Variants in TSKS observed in about 807,000 individuals in gnomAD.
TSKS encodes testis specific serine kinase substrate, also known as testis-specific serine kinase substrate.
Under a neutral mutation model 68.0 loss-of-function variants are expected in TSKS, and 27 were observed. That is an observed-to-expected ratio of 0.40 (90% CI 0.29 to 0.55). The LOEUF is 0.55. TSKS is among the 20% of genes least tolerant of loss of function. TSKS has a pLI of 0.53. For missense variants in TSKS, 806 were observed against 776.0 expected, an observed-to-expected ratio of 1.04 and a Z score of -0.46; for synonymous variants, 331 against 340.4, an observed-to-expected ratio of 0.97 and a Z score of 0.30.
chr19:49,744,212 G>A lies in TSKS; in HGVS notation c.1361+19C>T, dbSNP rs183535067. 5.0e-6 allele frequency: 8 copies of A among 1,604,566 alleles called. No homozygotes were observed. In the East Asian group the frequency reaches 6.7e-5, roughly 14 times the overall value. On this transcript the variant is annotated intron_variant, in intron 8 of 10. Transcript: ENST00000246801. ...TGTCCTATCCACAAGGCTCCCAGAG[G>A]CAAGCCCAGCCCCGTTACCTGGCAC...
chr19:49,751,155 T>A (rs2084346447), intron 2 of TSKS, among the ~76,000 whole-genome samples: 3 of 151,474 alleles, frequency 2.0e-5, no homozygotes, highest in Admixed American at 1.3e-4. Flanking sequence ...AATACAAAAA[T>A]TAGCCAGGCG....
intron 2 of TSKS, among the ~76,000 whole-genome samples, chr19:49,754,125 A>T (rs2084374661): frequency 6.6e-6 from 1 of 151,130 alleles, no homozygotes; most frequent in Non-Finnish European, 1.5e-5. Context: ...ACCTCAGGTG[A>T]TCTGCCTGAC....
At position 49,763,059 on chromosome 19, in the gene TSKS, C is replaced by T; in HGVS notation, c.170+19G>A. 11 of 1,607,270 alleles carry T rather than the reference C, an allele frequency of 6.8e-6. No homozygotes were observed. Among genetic ancestry groups the T allele is most frequent in the Non-Finnish European group, 9.3e-6 (11 of 1,176,542 alleles). On this transcript the variant is annotated intron_variant, in intron 1 of 10. Coordinates refer to ENST00000246801, the MANE Select transcript of TSKS (RefSeq NM_021733.2). The surrounding 1 kb of genome is among the most constrained non-coding windows in gnomAD (Gnocchi z 4.5). The stretch of plus-strand genomic sequence containing the variant: ...TGCTGGGCATTAGAACCATCCCTGA[C>T]AGTGTGCAACAAACCCACCCGTGGA...
chr19:49,741,235 A>G (rs1819358562), intron 9 of TSKS, among the ~76,000 whole-genome samples: 1 of 152,130 alleles, frequency 6.6e-6, no homozygotes, highest in Non-Finnish European at 1.5e-5. Context: ...CTCTACGTAC[A>G]ACTGCACCAA....
intron 6 of TSKS, among the ~76,000 whole-genome samples, 187 bp downstream of exon 6, chr19:49,746,283 C>A (rs754971588): frequency 6.6e-6 from 1 of 151,346 alleles, no homozygotes; most frequent in Non-Finnish European, 1.5e-5. Context: ...TACCCACCTT[C>A]GTTCCTCGAG....
chr19:49,758,673 CT>C (rs2084413662), intron 2 of TSKS, among the ~76,000 whole-genome samples: 1 of 152,106 alleles, frequency 6.6e-6, no homozygotes, highest in Non-Finnish European at 1.5e-5. Context: ...CCAGGCTCCC[CT>C]CTGGCCTCCC....
chr19:49,763,055 C>T lies in TSKS; in HGVS notation c.170+23G>A. The T allele has an allele frequency of 6.2e-7, 1 of 1,606,494 alleles. No individual in the cohort carries two copies. ...GTAGTGCTGGGCATTAGAACCATCC[C>T]TGACAGTGTGCAACAAACCCACCCG... is the stretch of plus-strand genomic sequence containing the variant. On this transcript the variant is annotated intron_variant, in intron 1 of 10. Coordinates refer to ENST00000246801, the MANE Select transcript of TSKS (RefSeq NM_021733.2). The surrounding 1 kb of genome is among the most constrained non-coding windows in gnomAD (Gnocchi z 4.5).
Position 49,740,047 on chromosome 19 carries a change from C to T in TSKS, c.1622+12G>A. 1.2e-6 allele frequency: 2 copies of T among 1,614,126 alleles called. No individual in the cohort carries two copies. Among genetic ancestry groups the T allele is most frequent in the Non-Finnish European group, 8.5e-7 (1 of 1,180,038 alleles). ...CTCACCCTCCTCCCATGCCCTCAGCCTCCTTCCTCACTCTGGCTTCATCTT... is the reference window on the plus strand; with the variant it reads ...CTCACCCTCCTCCCATGCCCTCAGCTTCCTTCCTCACTCTGGCTTCATCTT... On this transcript the variant is annotated intron_variant, in intron 10 of 10. Transcript: ENST00000246801.
At chr19:49,749,049 C>T (rs1033008733) in intron 2 of TSKS, among the ~76,000 whole-genome samples, 4 of 151,436 alleles carry the variant, frequency 2.6e-5, no homozygotes, top group South Asian at 2.1e-4. Context: ...GGCGACAGAG[C>T]GAGTCTCCGT....
chr19:49,756,296 A>AAAAAATTT (rs2084391773), intron 2 of TSKS, among the ~76,000 whole-genome samples: 2 of 152,020 alleles, frequency 1.3e-5, no homozygotes, highest in South Asian at 4.1e-4. Context: ...CATCTCTACC[A>AAAAAATTT]AAAAATTTAA....
rs149580509 is a variant in TSKS, at chr19:49,746,521, T to C, written c.941A>G (p.Tyr314Cys). Residue 314 changes from tyrosine to cysteine, a missense_variant, in exon 6 of 11, where the codon TAC becomes TGC. Tyr to Cys is a radical substitution (Grantham distance 194). Transcript: ENST00000246801. ...CTTCTGCAATTCCTGCTCGCTCACGTAGGGGCCCTCGCCAGCCCGAGGCCC... is the reference window on the plus strand; with the variant it reads ...CTTCTGCAATTCCTGCTCGCTCACGCAGGGGCCCTCGCCAGCCCGAGGCCC... ...GMGPRAGEGP[Y>C]VSEQELQKLF... is the part of the protein sequence containing the mutation. 5.4e-5 allele frequency: 87 copies of C among 1,613,664 alleles called. No homozygotes were observed. The highest frequency in any genetic ancestry group is 7.3e-5 in the Non-Finnish European group (86 of 1,179,940).
intron 9 of TSKS, among the ~76,000 whole-genome samples, chr19:49,740,605 C>T (rs913105603): frequency 3.9e-5 from 6 of 152,136 alleles, no homozygotes; most frequent in Admixed American, 1.3e-4. Flanking sequence ...AAGTCCTGGC[C>T]GGGCGCAGTG....
chr19:49,747,136 G>A (rs1295653432), intron 5 of TSKS: 3 of 1,533,318 alleles, frequency 2.0e-6, no homozygotes, highest in Middle Eastern at 3.3e-4. Flanking sequence ...GGACAGGACG[G>A]GCCTTCTCAC....
chr19:49,753,345 G>A (rs528414887), intron 2 of TSKS, among the ~76,000 whole-genome samples: 5 of 151,890 alleles, frequency 3.3e-5, no homozygotes, highest in African/African-American at 4.8e-5. Context: ...GGTGGATCAC[G>A]AGGTCAGGAG....
intron 2 of TSKS, among the ~76,000 whole-genome samples, chr19:49,750,933 CAT>C (rs1359926830): frequency 6.6e-6 from 1 of 152,120 alleles, no homozygotes; most frequent in Non-Finnish European, 1.5e-5. Context: ...GGCAGCAACA[CAT>C]TTCTTGCATG....
chr19:49,747,361 A>G (rs757583641), intron 5 of TSKS, 28 bp downstream of exon 5: 14 of 1,613,944 alleles, frequency 8.7e-6, no homozygotes, highest in Non-Finnish European at 1.2e-5. Flanking sequence ...TCCTCCCACA[A>G]ATCCTGGGAC....
At chr19:49,747,083 C>T in intron 5 of TSKS, 1 of 1,468,296 alleles carries the variant, frequency 6.8e-7, no homozygotes, top group Admixed American at 2.0e-5. Flanking sequence ...GCAAGAACAA[C>T]TGAAGCTTTC....
At chr19:49,748,205 C>G in intron 3 of TSKS, 37 bp from the exon 4 acceptor site, 1 of 1,607,566 alleles carries the variant, frequency 6.2e-7, no homozygotes, top group Non-Finnish European at 8.5e-7. Context: ...GCCAAGGACA[C>G]GAGGGGACAG....
At chr19:49,760,574 A>T (rs1007934621) in intron 2 of TSKS, among the ~76,000 whole-genome samples, 2 of 151,438 alleles carry the variant, frequency 1.3e-5, no homozygotes, top group Admixed American at 6.6e-5. Context: ...TGACCTCATG[A>T]TCCACCCGCC....
Sources: gnomAD v4.1 joint callset for allele counts (sites outside exome capture counted in the v4.1 genomes callset) on GRCh38, gnomAD v4.1.1 for gene constraint, Gnocchi (gnomAD v3.1) non-coding constraint, MANE v1.5 for transcripts, NCBI Gene and HGNC (gene_info 2026-07-23, HGNC 2026-07-21) for gene names.